AKAP6: variants seen among roughly 807,000 people sequenced by gnomAD.
AKAP6 encodes A-kinase anchoring protein 6.
In AKAP6, 58 loss-of-function variants were observed where a neutral mutation model predicts 188.5. That is an observed-to-expected ratio of 0.31 (90% CI 0.25 to 0.38). The LOEUF is 0.38. Ranked by LOEUF, AKAP6 falls within the 10% of genes least tolerant of loss-of-function variation. The pLI is 1.00. For missense variants in AKAP6, 2,710 were observed against 2,740.0 expected, an observed-to-expected ratio of 0.99 and a Z score of 0.24; for synonymous variants, 989 against 998.6, an observed-to-expected ratio of 0.99 and a Z score of 0.18.
At chr14:32,821,068 A>G (rs144364855) in intron 12 of AKAP6, among the ~76,000 whole-genome samples, 280 of 152,348 alleles carry the variant, frequency 1.8e-3, no homozygotes, top group African/African-American at 6.3e-3. Flanking sequence ...TTTTACCTTC[A>G]TTCACCTGAT....
chr14:32,556,684 A>G (rs1883702841), intron 4 of AKAP6, among the ~76,000 whole-genome samples: 1 of 152,126 alleles, frequency 6.6e-6, no homozygotes, highest in African/African-American at 2.4e-5. Flanking sequence ...TGATTTGCAA[A>G]TTATTTTCTC....
chr14:32,335,739 C>CTACTTGAT (rs1365745875), intron 1 of AKAP6, among the ~76,000 whole-genome samples: 1 of 150,290 alleles, frequency 6.7e-6, no homozygotes. Flanking sequence ...CCTTTGTTTA[C>CTACTTGAT]TACTTGATTA....
chr14:32,706,812 C>T (rs1323166959), intron 9 of AKAP6, among the ~76,000 whole-genome samples: 1 of 151,952 alleles, frequency 6.6e-6, no homozygotes, highest in Non-Finnish European at 1.5e-5. Context: ...AACACACAAA[C>T]ACACTACACA....
intron 1 of AKAP6, among the ~76,000 whole-genome samples, chr14:32,370,123 C>G (rs1662383136): frequency 6.6e-6 from 1 of 152,200 alleles, no homozygotes. Context: ...ATGTTGTGTT[C>G]CACTTTGGCC....
chr14:32,554,623 C>T (rs1367306147), intron 4 of AKAP6, among the ~76,000 whole-genome samples: 1 of 152,108 alleles, frequency 6.6e-6, no homozygotes, highest in African/African-American at 2.4e-5. Context: ...TTATGAAGCC[C>T]ACAGACCACT....
intron 11 of AKAP6, among the ~76,000 whole-genome samples, chr14:32,740,764 G>A (rs1189920677): frequency 6.6e-6 from 1 of 151,928 alleles, no homozygotes; most frequent in Non-Finnish European, 1.5e-5. Flanking sequence ...ATGCTATTTG[G>A]TTAACTACTA....
At chr14:32,548,813 A>G (rs74041633) in intron 4 of AKAP6, among the ~76,000 whole-genome samples, 4,143 of 152,288 alleles carry the variant, frequency 0.027, 171 homozygotes, top group African/African-American at 0.094. Flanking sequence ...AAACTATAAG[A>G]TAGGAGAGAA....
At chr14:32,661,888 A>G (rs1888715188) in intron 7 of AKAP6, among the ~76,000 whole-genome samples, 1 of 152,154 alleles carries the variant, frequency 6.6e-6, no homozygotes, top group Non-Finnish European at 1.5e-5. Flanking sequence ...TTATCAAATG[A>G]GATAATATAC....
At chr14:32,462,478 A>T (rs1228456285) in intron 2 of AKAP6, among the ~76,000 whole-genome samples, 1 of 152,204 alleles carries the variant, frequency 6.6e-6, no homozygotes. Context: ...AGCCAAATTA[A>T]GCTTCATAAG....
intron 12 of AKAP6, among the ~76,000 whole-genome samples, chr14:32,810,665 T>G (rs946562899): frequency 6.6e-6 from 1 of 152,198 alleles, no homozygotes; most frequent in Admixed American, 6.5e-5. Context: ...GTGTAACTTG[T>G]GAACTTCCCA....
intron 11 of AKAP6, among the ~76,000 whole-genome samples, chr14:32,757,615 A>G (rs1429949324): frequency 6.6e-6 from 1 of 152,184 alleles, no homozygotes; most frequent in African/African-American, 2.4e-5. Flanking sequence ...AGATATTTTT[A>G]ATTTATTCAA....
chr14:32,394,475 A>T (rs1320916054), intron 1 of AKAP6, among the ~76,000 whole-genome samples: 1 of 152,192 alleles, frequency 6.6e-6, no homozygotes, highest in Admixed American at 6.5e-5. Flanking sequence ...TCAGTGTCAG[A>T]GTCTCAAAAA....
chr14:32,652,986 A>C (rs1296271724), intron 7 of AKAP6, among the ~76,000 whole-genome samples: 1 of 152,124 alleles, frequency 6.6e-6, no homozygotes, highest in Admixed American at 6.6e-5. Flanking sequence ...CCAAGAGGTC[A>C]AGGCTGCAGT....
At chr14:32,375,609 G>A (rs767097988) in intron 1 of AKAP6, among the ~76,000 whole-genome samples, 1 of 152,088 alleles carries the variant, frequency 6.6e-6, no homozygotes, top group Non-Finnish European at 1.5e-5. Flanking sequence ...CAAAAGGCAG[G>A]AAAGGGAATC....
chr14:32,637,922 G>A (rs10147330), intron 7 of AKAP6, among the ~76,000 whole-genome samples: 2,386 of 152,218 alleles, frequency 0.016, 56 homozygotes, highest in African/African-American at 0.048. Context: ...CAGAATGGGA[G>A]TGGGTGGAGG....
At chr14:32,335,053 C>T (rs1354126813) in intron 1 of AKAP6, among the ~76,000 whole-genome samples, 4 of 152,096 alleles carry the variant, frequency 2.6e-5, no homozygotes, top group South Asian at 2.1e-4. Context: ...TAGGCTCAAA[C>T]GATCCTCCCA....
At chr14:32,456,565 A>G (rs955172815) in intron 2 of AKAP6, among the ~76,000 whole-genome samples, 3 of 152,260 alleles carry the variant, frequency 2.0e-5, no homozygotes, top group Non-Finnish European at 4.4e-5. Context: ...GAATTATGCT[A>G]TCAAATTGAA....
chr14:32,662,958 G>C (rs1005752169), intron 7 of AKAP6, among the ~76,000 whole-genome samples: 1 of 152,022 alleles, frequency 6.6e-6, no homozygotes, highest in African/African-American at 2.4e-5. Flanking sequence ...TAAAAAGTAA[G>C]TGAAATGCTT....
intron 12 of AKAP6, among the ~76,000 whole-genome samples, chr14:32,804,583 AT>A (rs2034039945): frequency 6.6e-6 from 1 of 152,210 alleles, no homozygotes; most frequent in African/African-American, 2.4e-5. Context: ...ATAAGGGTCT[AT>A]GTTCAGCTGT....
Sources: allele counts gnomAD v4.1 joint callset (sites outside exome capture counted in the v4.1 genomes callset), GRCh38; gene constraint gnomAD v4.1.1; transcripts MANE v1.5; gene names NCBI Gene and HGNC (gene_info 2026-07-23, HGNC 2026-07-21).